The following FHOD3 variants were observed in gnomAD, a reference collection of about 807,000 sequenced individuals.
FHOD3 encodes the protein formin homology 2 domain containing 3.
A neutral mutation model predicts 173.0 loss-of-function variants in FHOD3; 90 were observed. That is an observed-to-expected ratio of 0.52 (90% CI 0.44 to 0.62). The LOEUF (loss-of-function observed/expected upper bound fraction) is 0.62, where lower values mean the gene tolerates loss of function less well. FHOD3 is among the 20% of genes least tolerant of loss of function. The probability of loss-of-function intolerance (pLI) is 0.00; values close to 1 mark genes in which losing one functional copy is unlikely to be tolerated. For missense variants in FHOD3, 1,945 were observed against 2,034.7 expected (o/e 0.96, Z 0.85); for synonymous variants, 828 against 823.0 (o/e 1.01, Z -0.10).
intron 3 of FHOD3, among the ~76,000 whole-genome samples, chr18:36,413,197 A>G (rs77477820): frequency 0.015 from 2,222 of 152,266 alleles, 40 homozygotes; most frequent in African/African-American, 0.05. Context: ...TGGAAAAAGA[A>G]CCCTTAAGAA....
intron 4 of FHOD3, among the ~76,000 whole-genome samples, chr18:36,509,426 CAAAAAAAAA>C (rs34772691): frequency 1.8e-5 from 1 of 54,854 alleles, no homozygotes; most frequent in Non-Finnish European, 3.7e-5. Context: ...GACTCCATCT[CAAAAAAAAA>C]AAAAAAGAAA....
At chr18:36,732,140 G>A (rs2041394897) in intron 20 of FHOD3, among the ~76,000 whole-genome samples, 1 of 152,154 alleles carries the variant, frequency 6.6e-6, no homozygotes, top group Admixed American at 6.5e-5. Flanking sequence ...GTGGAAATTA[G>A]AGTGATGTTT....
At position 36,540,706 on chromosome 18, in the gene FHOD3, GA is replaced by G. The variant is rs1171514275; in HGVS notation, c.511+28166del. Among the ~76,000 whole-genome samples, 4 of 152,258 alleles carry G rather than the reference GA, an allele frequency of 2.6e-5. No individual in the cohort carries two copies. In the East Asian group the frequency reaches 7.7e-4, roughly 29 times the overall value. On this transcript the variant is annotated intron_variant, in intron 5 of 28. Transcript: ENST00000590592. Reference sequence around the variant, plus strand: ...TGTGAAAAGGAAGGGTGATTGACTGGAAAGTGTGATTCAAGGAAGAAGGTGG... The same window carrying G: ...TGTGAAAAGGAAGGGTGATTGACTGGAAGTGTGATTCAAGGAAGAAGGTGG...
intron 22 of FHOD3, among the ~76,000 whole-genome samples, chr18:36,743,368 C>T (rs1240637685): frequency 7.0e-6 from 1 of 142,066 alleles, no homozygotes; most frequent in Non-Finnish European, 1.5e-5. Flanking sequence ...CAATCTGTGT[C>T]TTGCTATAAA....
intron 3 of FHOD3, among the ~76,000 whole-genome samples, chr18:36,424,399 A>C (rs1237151883): frequency 1.3e-5 from 2 of 152,062 alleles, no homozygotes; most frequent in African/African-American, 4.8e-5. Context: ...GTTGTATTAT[A>C]ACAGAACTGC....
chr18:36,729,165 T>C (rs2041226085), intron 19 of FHOD3, among the ~76,000 whole-genome samples: 1 of 152,208 alleles, frequency 6.6e-6, no homozygotes. Flanking sequence ...CCCATTACTG[T>C]GCTGAATGTG....
intron 3 of FHOD3, among the ~76,000 whole-genome samples, chr18:36,395,330 A>AAAT (rs2048506570): frequency 6.6e-6 from 1 of 151,692 alleles, no homozygotes; most frequent in South Asian, 2.1e-4. Flanking sequence ...AAAAAAAAAA[A>AAAT]TCTATATCTG....
At chr18:36,659,263 A>G (rs1204211765) in intron 14 of FHOD3, among the ~76,000 whole-genome samples, 2 of 152,180 alleles carry the variant, frequency 1.3e-5, no homozygotes, top group Non-Finnish European at 2.9e-5. Context: ...GATGGCATGT[A>G]GATCCTACGG....
chr18:36,696,989 T>C (rs1600286779), intron 17 of FHOD3, among the ~76,000 whole-genome samples: 1 of 152,356 alleles, frequency 6.6e-6, no homozygotes, highest in Non-Finnish European at 1.5e-5. Context: ...TAGAAACTCA[T>C]AGATGATTCT....
chr18:36,777,206 T>C (rs955114848), intron 28 of FHOD3, among the ~76,000 whole-genome samples: 4 of 146,600 alleles, frequency 2.7e-5, no homozygotes, highest in Non-Finnish European at 6.0e-5. Context: ...TTCTTTTTTT[T>C]TTTTTTTTTT....
chr18:36,706,907 A>C (rs2039914745), intron 17 of FHOD3, among the ~76,000 whole-genome samples: 1 of 152,206 alleles, frequency 6.6e-6, no homozygotes, highest in South Asian at 2.1e-4. Context: ...TGTCAACCAA[A>C]TGATGACGCT....
chr18:36,586,226 T>C (rs957777264), intron 6 of FHOD3, among the ~76,000 whole-genome samples: 2 of 152,214 alleles, frequency 1.3e-5, no homozygotes, highest in Non-Finnish European at 2.9e-5. Flanking sequence ...CTCCATAGTA[T>C]AGTGGAAAGA....
intron 9 of FHOD3, among the ~76,000 whole-genome samples, chr18:36,622,037 C>T (rs548146077): frequency 3.3e-5 from 5 of 152,126 alleles, no homozygotes; most frequent in African/African-American, 7.2e-5. Context: ...TTTCCTACAA[C>T]TTGGATGAAC....
chr18:36,693,134 G>T, intron 16 of FHOD3, 75 bp from the exon 17 acceptor site: 3 of 1,428,382 alleles, frequency 2.1e-6, no homozygotes, highest in Non-Finnish European at 1.9e-6. Flanking sequence ...TTCTGCAGGT[G>T]TTTCATCCAT....
intron 4 of FHOD3, among the ~76,000 whole-genome samples, chr18:36,506,743 A>G (rs949365044): frequency 3.9e-5 from 6 of 152,248 alleles, no homozygotes; most frequent in African/African-American, 7.2e-5. Context: ...TGATGGGCTT[A>G]TTGAAGTGTA....
At chr18:36,478,972 T>C (rs1009728747) in intron 3 of FHOD3, among the ~76,000 whole-genome samples, 2 of 152,236 alleles carry the variant, frequency 1.3e-5, no homozygotes, top group African/African-American at 2.4e-5. Context: ...ATATACCTTA[T>C]ACAACGTATA....
intron 5 of FHOD3, among the ~76,000 whole-genome samples, chr18:36,551,229 CTG>C (rs2057640691): frequency 6.6e-6 from 1 of 152,098 alleles, no homozygotes; most frequent in African/African-American, 2.4e-5. Context: ...CTGGGGTAAA[CTG>C]TACCTGGTCA....
intron 17 of FHOD3, 46 bp from the exon 18 acceptor site, chr18:36,709,049 C>T (rs767251589): frequency 3.1e-5 from 49 of 1,584,196 alleles, no homozygotes; most frequent in Non-Finnish European, 3.8e-5. Flanking sequence ...CTTCACCCTT[C>T]CAAGAAATCT....
In FHOD3 at chr18:36,576,529, C is replaced by A. The variant is rs147225084; in HGVS notation, c.590C>A (p.Thr197Asn). 1 of 1,613,274 alleles carries A rather than the reference C, an allele frequency of 6.2e-7. No homozygotes were observed. Among genetic ancestry groups the A allele is most frequent in the Non-Finnish European group, 8.5e-7 (1 of 1,179,486 alleles). ...AATGAAACCATTCAGTGGCTGTACA[C>A]TCTCATTGGGTCAAAGGTAAGGGGA... The part of the protein sequence containing the change: ...NRNETIQWLY[T>N]LIGSKFRLVV... The change falls in exon 6 of 29, where the codon ACT (threonine) becomes AAT (asparagine). Residue 197 changes from threonine to asparagine, a missense_variant. Thr to Asn is a moderately conservative substitution (Grantham distance 65, BLOSUM62 0). This residue lies in a region of FHOD3 where 245 missense variants were observed against 267.7 expected (regional missense o/e 0.92). Coordinates refer to ENST00000590592, the MANE Select transcript of FHOD3 (RefSeq NM_001281740.3).
Sources: allele counts gnomAD v4.1 joint callset (sites outside exome capture counted in the v4.1 genomes callset), GRCh38; gene constraint gnomAD v4.1.1; regional missense constraint gnomAD v4.1.1; transcripts MANE v1.5; gene names NCBI Gene and HGNC (gene_info 2026-07-23, HGNC 2026-07-21).